Variants in SLC24A2 observed in about 807,000 individuals in gnomAD.
The protein encoded by SLC24A2 is sodium/potassium/calcium exchanger 2.
In SLC24A2, 36 loss-of-function variants were observed where a neutral mutation model predicts 62.0. The ratio of observed to expected loss-of-function variants is 0.58; its 90% CI spans 0.44 to 0.77. The LOEUF is 0.77. Among genes scored for constraint, SLC24A2 ranks in the 30% least tolerant of loss-of-function variants. The pLI is 0.00. For synonymous variants in SLC24A2, 358 were observed against 294.0 expected (o/e 1.22, Z -2.23); for missense variants, 846 against 817.9 (o/e 1.03, Z -0.42).
rs184192069 is a variant in SLC24A2 at position 19,567,014 on chromosome 9, C to T, written c.1347+6337G>A. On this transcript the variant is annotated intron_variant, in intron 7 of 10. Transcript: ENST00000341998. ...TAGGAGATATATCTAATGTAAATGG[C>T]GAGTTAATGGCTGCGGCACACCAAC... Among the ~76,000 whole-genome samples, 1,126 of 151,386 alleles carry T rather than the reference C, an allele frequency of 7.4e-3. 15 individuals are homozygous for T. Among genetic ancestry groups the T allele is most frequent in the African/African-American group, 0.024 (983 of 41,028 alleles).
the SLC24A2 span, among the ~76,000 whole-genome samples, chr9:20,163,070 G>A: frequency 1.3e-5 from 2 of 151,850 alleles, no homozygotes; most frequent in African/African-American, 4.8e-5. Flanking sequence ...AAAACTGGCA[G>A]AAGACAGGGA....
the SLC24A2 span, among the ~76,000 whole-genome samples, chr9:20,174,097 G>A: frequency 6.6e-6 from 1 of 152,094 alleles, no homozygotes; most frequent in South Asian, 2.1e-4. Flanking sequence ...CATCAAGTGA[G>A]GAAAGGACAT....
At chr9:20,064,740 C>T in the SLC24A2 span, among the ~76,000 whole-genome samples, 1 of 152,168 alleles carries the variant, frequency 6.6e-6, no homozygotes. Flanking sequence ...CAAGCACCCA[C>T]CGCTGAAGCT....
At position 19,513,886 on chromosome 9, in the gene SLC24A2, G is replaced by A. The variant is rs925349917; in HGVS notation, c.*2267C>T. The A allele has an allele frequency of 6.6e-6, 1 of 152,268 alleles. No individual in the cohort carries two copies. Among genetic ancestry groups the A allele is most frequent in the Admixed American group, 6.5e-5 (1 of 15,294 alleles). 9.4% of individuals were successfully genotyped at this position (152,268 alleles called of 1,614,324 possible). ...ATTCTTTCACTCTCTAAGGAAGCAG[G>A]ACAAATTCTTGCCCCAGTACAAAGT... is the stretch of plus-strand genomic sequence containing the variant. On this transcript the variant is annotated 3_prime_UTR_variant, in exon 11 of 11. Transcript: ENST00000341998.
chr9:19,579,676 G>C (rs921585505), intron 5 of SLC24A2, among the ~76,000 whole-genome samples: 8 of 152,208 alleles, frequency 5.3e-5, no homozygotes, highest in African/African-American at 1.9e-4. Flanking sequence ...AAATAGGTCT[G>C]TGGAAATAAA....
chr9:19,900,839 T>A, the SLC24A2 span, among the ~76,000 whole-genome samples: 1 of 152,258 alleles, frequency 6.6e-6, no homozygotes, highest in East Asian at 1.9e-4. Context: ...GGAAATATGC[T>A]CTTCATCAAT....
At chr9:19,666,672 T>C (rs77701776) in intron 2 of SLC24A2, among the ~76,000 whole-genome samples, 3,169 of 152,302 alleles carry the variant, frequency 0.021, 54 homozygotes, top group East Asian at 0.09. Context: ...CAGCATGTAC[T>C]GGTAACAAAA....
intron 5 of SLC24A2, among the ~76,000 whole-genome samples, chr9:19,595,933 A>C (rs1224934851): frequency 2.6e-5 from 4 of 152,144 alleles, no homozygotes; most frequent in Non-Finnish European, 5.9e-5. Context: ...GGTAGCAGGT[A>C]CTTATTCCTA....
chr9:19,621,712 G>A (rs984826561), intron 3 of SLC24A2, among the ~76,000 whole-genome samples: 3 of 152,066 alleles, frequency 2.0e-5, no homozygotes, highest in African/African-American at 7.2e-5. Context: ...AACTATTATG[G>A]TCCTTATTCT....
At chr9:19,659,654 C>T (rs4977233) in intron 2 of SLC24A2, among the ~76,000 whole-genome samples, 3 of 151,840 alleles carry the variant, frequency 2.0e-5, no homozygotes, top group African/African-American at 7.3e-5. Context: ...TTTAACCTGA[C>T]GACTAGGGCT....
the SLC24A2 span, among the ~76,000 whole-genome samples, chr9:19,855,609 C>T: frequency 6.6e-6 from 1 of 152,120 alleles, no homozygotes; most frequent in Non-Finnish European, 1.5e-5. Context: ...GAATGTTGAA[C>T]GTTGGTCCCC....
chr9:20,138,594 C>T, the SLC24A2 span, among the ~76,000 whole-genome samples: 1 of 152,120 alleles, frequency 6.6e-6, no homozygotes, highest in African/African-American at 2.4e-5. Context: ...TTTACCTCAG[C>T]TTTGTACGGA....
chr9:19,829,488 T>C, the SLC24A2 span, among the ~76,000 whole-genome samples: 1 of 152,182 alleles, frequency 6.6e-6, no homozygotes, highest in East Asian at 1.9e-4. Flanking sequence ...AAGTAGAAAA[T>C]GGAACCTAAA....
the SLC24A2 span, among the ~76,000 whole-genome samples, chr9:19,880,694 A>T: frequency 6.6e-6 from 1 of 152,196 alleles, no homozygotes; most frequent in Non-Finnish European, 1.5e-5. Flanking sequence ...GAGAGAAGTC[A>T]GGGATGGCTT....
chr9:19,950,146 C>T, the SLC24A2 span, among the ~76,000 whole-genome samples: 26 of 152,204 alleles, frequency 1.7e-4, no homozygotes, highest in African/African-American at 4.6e-4. Context: ...TCTCTTTGGG[C>T]AAATTATTAA....
chr9:20,130,338 T>C, the SLC24A2 span, among the ~76,000 whole-genome samples: 5 of 151,458 alleles, frequency 3.3e-5, no homozygotes, highest in East Asian at 9.7e-4. Context: ...ATGAAAAAAA[T>C]AAAATAGATG....
the SLC24A2 span, among the ~76,000 whole-genome samples, chr9:20,056,621 G>C: frequency 3.3e-5 from 5 of 152,108 alleles, no homozygotes; most frequent in African/African-American, 9.7e-5. Context: ...ATTCCCTGTT[G>C]AATAACTCTC....
chr9:19,689,256 A>G (rs1328677257), intron 2 of SLC24A2, among the ~76,000 whole-genome samples: 1 of 152,174 alleles, frequency 6.6e-6, no homozygotes, highest in Non-Finnish European at 1.5e-5. Context: ...TGGTTACACC[A>G]GGACTCCCGA....
intron 2 of SLC24A2, among the ~76,000 whole-genome samples, chr9:19,777,423 T>G (rs905088388): frequency 2.0e-5 from 3 of 152,210 alleles, no homozygotes; most frequent in African/African-American, 7.2e-5. Context: ...GACCCAGAAA[T>G]TCTGCTTCTA....
Sources: gnomAD v4.1 joint callset for allele counts (sites outside exome capture counted in the v4.1 genomes callset) on GRCh38, gnomAD v4.1.1 for gene constraint, MANE v1.5 for transcripts, NCBI Gene and HGNC (gene_info 2026-07-23, HGNC 2026-07-21) for gene names.